PTPRD: variants seen among roughly 807,000 people sequenced by gnomAD.
The protein encoded by PTPRD is receptor-type tyrosine-protein phosphatase delta.
In PTPRD, 34 loss-of-function variants were observed where a neutral mutation model predicts 214.5. The ratio of observed to expected loss-of-function variants is 0.16; its 90% confidence interval spans 0.12 to 0.21. The LOEUF is 0.21. Among genes scored for constraint, PTPRD ranks in the 10% least tolerant of loss-of-function variants. The pLI, the probability that PTPRD is intolerant of heterozygous loss-of-function variation, is 1.00. For synonymous variants in PTPRD, 1,128 were observed against 845.7 expected, an observed-to-expected ratio of 1.33 and a Z score of -5.79; for missense variants, 2,545 against 2,398.7, an observed-to-expected ratio of 1.06 and a Z score of -1.27.
chr9:10,589,113 C>T (rs2074731842), intron 2 of PTPRD, among the ~76,000 whole-genome samples: 2 of 151,998 alleles, frequency 1.3e-5, no homozygotes, highest in African/African-American at 4.8e-5. Context: ...AGGCTTTTAG[C>T]TGTAGGTAAA....
intron 6 of PTPRD, among the ~76,000 whole-genome samples, chr9:9,757,650 A>G (rs1480361208): frequency 6.6e-6 from 1 of 152,108 alleles, no homozygotes; most frequent in Non-Finnish European, 1.5e-5. Context: ...TTTCATAGAA[A>G]GGATGTGGGG....
chr9:10,078,791 C>T (rs2098181707), intron 3 of PTPRD, among the ~76,000 whole-genome samples: 1 of 152,046 alleles, frequency 6.6e-6, no homozygotes, highest in Non-Finnish European at 1.5e-5. Context: ...GAAATGTCTG[C>T]TTCCTCTTTC....
chr9:10,194,528 C>T (rs896403089), intron 3 of PTPRD, among the ~76,000 whole-genome samples: 6 of 151,896 alleles, frequency 4.0e-5, no homozygotes, highest in African/African-American at 9.6e-5. Flanking sequence ...ATCATACAAC[C>T]GTTATATGTT....
At chr9:10,009,320 G>C (rs1275023888) in intron 4 of PTPRD, among the ~76,000 whole-genome samples, 1 of 135,624 alleles carries the variant, frequency 7.4e-6, no homozygotes, top group African/African-American at 2.5e-5. Flanking sequence ...AAGGTGGTTG[G>C]GTTACAGCTT....
At chr9:10,446,036 C>G (rs546202659) in intron 2 of PTPRD, among the ~76,000 whole-genome samples, 1 of 151,954 alleles carries the variant, frequency 6.6e-6, no homozygotes, top group Non-Finnish European at 1.5e-5. Flanking sequence ...AGATTCTTAA[C>G]ACAGGATCCA....
intron 8 of PTPRD, among the ~76,000 whole-genome samples, chr9:9,502,629 A>T (rs1276133927): frequency 6.6e-6 from 1 of 151,926 alleles, no homozygotes; most frequent in Non-Finnish European, 1.5e-5. Flanking sequence ...GAAAAGAATC[A>T]AGCAAGATTG....
At chr9:10,378,809 G>A (rs1023498275) in intron 2 of PTPRD, among the ~76,000 whole-genome samples, 13 of 151,956 alleles carry the variant, frequency 8.6e-5, no homozygotes, top group African/African-American at 3.1e-4. Context: ...TGTCTTTTGT[G>A]GTTCCATATA....
At chr9:8,392,124 C>A (rs1307372204) in intron 36 of PTPRD, among the ~76,000 whole-genome samples, 1 of 152,012 alleles carries the variant, frequency 6.6e-6, no homozygotes. Flanking sequence ...GTAATTCATG[C>A]CTATAATCCC....
chr9:9,651,088 T>A (rs1408484261), intron 7 of PTPRD, among the ~76,000 whole-genome samples: 2 of 152,124 alleles, frequency 1.3e-5, no homozygotes, highest in Non-Finnish European at 2.9e-5. Flanking sequence ...TACCCATGGT[T>A]ACTCTTCTAA....
At chr9:8,372,481 G>C (rs1564356757) in intron 39 of PTPRD, among the ~76,000 whole-genome samples, 1 of 151,976 alleles carries the variant, frequency 6.6e-6, no homozygotes, top group Non-Finnish European at 1.5e-5. Flanking sequence ...TGAAGAAACA[G>C]AGATTAAATA....
At chr9:9,275,083 A>ATATATTATATATATATATATAT (rs1944594229) in intron 9 of PTPRD, among the ~76,000 whole-genome samples, 1 of 71,536 alleles carries the variant, frequency 1.4e-5, no homozygotes, top group Non-Finnish European at 2.7e-5. Flanking sequence ...TATATATATA[A>ATATATTATATATATATATATAT]TATATATGTT....
chr9:9,207,404 G>A (rs2099945545), intron 9 of PTPRD, among the ~76,000 whole-genome samples: 1 of 151,804 alleles, frequency 6.6e-6, no homozygotes, highest in African/African-American at 2.4e-5. Flanking sequence ...AATACAAAGA[G>A]CTTCTAAAAA....
In PTPRD at chr9:10,153,255, T is replaced by A. The variant is rs574249210; in HGVS notation, c.-544-119465A>T. On this transcript the variant is annotated intron_variant, in intron 3 of 45. Coordinates refer to ENST00000381196, the MANE Select transcript of PTPRD (RefSeq NM_002839.4). ...TGTAATGTGTACATACATCACAATATCACATTGTACCCCATAAATATATAC... is the reference window on the plus strand; with the variant it reads ...TGTAATGTGTACATACATCACAATAACACATTGTACCCCATAAATATATAC... Among the ~76,000 whole-genome samples, 7 of 152,130 alleles carry A rather than the reference T, an allele frequency of 4.6e-5. No homozygotes were observed. The South Asian group carries it at 1.2e-3, about 27-fold the overall frequency.
chr9:10,302,333 C>A (rs999217865), intron 3 of PTPRD, among the ~76,000 whole-genome samples: 27 of 152,222 alleles, frequency 1.8e-4, no homozygotes, highest in African/African-American at 6.0e-4. Flanking sequence ...TAAAGACCAT[C>A]GACACTATGA....
At chr9:8,530,392 G>A (rs564069750) in intron 14 of PTPRD, among the ~76,000 whole-genome samples, 12 of 152,002 alleles carry the variant, frequency 7.9e-5, no homozygotes, top group African/African-American at 2.2e-4. Context: ...TGGGTACTCC[G>A]TGCTTCTAGG....
chr9:8,798,231 A>G (rs560429823), intron 11 of PTPRD, among the ~76,000 whole-genome samples: 64 of 152,274 alleles, frequency 4.2e-4, no homozygotes, highest in African/African-American at 1.5e-3. Flanking sequence ...AGATCTTTAA[A>G]TAAAATAACT....
chr9:10,183,408 G>A (rs143502779), intron 3 of PTPRD, among the ~76,000 whole-genome samples: 17 of 152,182 alleles, frequency 1.1e-4, no homozygotes, highest in Middle Eastern at 6.8e-3. Context: ...AGTGCTTAAG[G>A]AATGTATATC....
At chr9:9,428,205 G>A (rs967372453) in intron 8 of PTPRD, among the ~76,000 whole-genome samples, 44 of 152,020 alleles carry the variant, frequency 2.9e-4, no homozygotes, top group Non-Finnish European at 5.7e-4. Flanking sequence ...AGAATAAAGG[G>A]ATGGAGGAAG....
At chr9:9,889,112 G>A (rs910416235) in intron 5 of PTPRD, among the ~76,000 whole-genome samples, 1 of 152,124 alleles carries the variant, frequency 6.6e-6, no homozygotes, top group African/African-American at 2.4e-5. Context: ...GCCAGGTGCT[G>A]GGATGGTTGG....
Sources: allele counts gnomAD v4.1 joint callset (sites outside exome capture counted in the v4.1 genomes callset), GRCh38; gene constraint gnomAD v4.1.1; transcripts MANE v1.5; gene names NCBI Gene and HGNC (gene_info 2026-07-23, HGNC 2026-07-21).